The following AOAH variants were observed in gnomAD, a reference collection of about 807,000 sequenced individuals.
The protein encoded by AOAH is acyloxyacyl hydrolase (neutrophil).
AOAH carries 64 observed loss-of-function variants against 92.2 expected under a neutral mutation model. The observed-to-expected ratio is 0.69, with a 90% CI of 0.57 to 0.86. The LOEUF is 0.86. Ranked by LOEUF, AOAH falls within the 40% of genes least tolerant of loss-of-function variation. The probability of loss-of-function intolerance (pLI) is 0.00; values close to 1 mark genes in which losing one functional copy is unlikely to be tolerated. For synonymous variants in AOAH, 263 were observed against 254.5 expected (o/e 1.03, Z -0.32); for missense variants, 656 against 694.6 (o/e 0.94, Z 0.62).
chr7:36,625,807 C>T (rs944491102), intron 6 of AOAH, among the ~76,000 whole-genome samples: 53 of 152,158 alleles, frequency 3.5e-4, no homozygotes, highest in African/African-American at 1.0e-3. Context: ...GAGGCTGTGA[C>T]GCTGCTCTCC....
At chr7:36,569,485 CTA>C (rs1787946890) in intron 13 of AOAH, among the ~76,000 whole-genome samples, 1 of 151,416 alleles carries the variant, frequency 6.6e-6, no homozygotes, top group Non-Finnish European at 1.5e-5. Context: ...ATCTATCTAT[CTA>C]TCTATCTATC....
At chr7:36,659,291 G>T in intron 3 of AOAH, 26 bp from the exon 4 acceptor site, 1 of 1,571,198 alleles carries the variant, frequency 6.4e-7, no homozygotes, top group Non-Finnish European at 8.8e-7. Flanking sequence ...GCAAAACAAA[G>T]GCTATTCAGA....
chr7:36,569,496 T>TCTATCTAC (rs1294357764), intron 13 of AOAH, among the ~76,000 whole-genome samples: 5 of 151,880 alleles, frequency 3.3e-5, no homozygotes, highest in African/African-American at 1.2e-4. Context: ...TATCTATCTA[T>TCTATCTAC]CTATCTATCT....
At chr7:36,705,312 C>T (rs1465293021) in intron 1 of AOAH, among the ~76,000 whole-genome samples, 1 of 152,136 alleles carries the variant, frequency 6.6e-6, no homozygotes, top group Non-Finnish European at 1.5e-5. Flanking sequence ...AATCAATGTG[C>T]AAAAATCACA....
chr7:36,615,173 A>T (rs1269492923), intron 11 of AOAH, among the ~76,000 whole-genome samples: 1 of 152,222 alleles, frequency 6.6e-6, no homozygotes, highest in African/African-American at 2.4e-5. Flanking sequence ...GAATTGTGTA[A>T]TTTCAGTGAT....
At chr7:36,593,343 G>A in intron 12 of AOAH, among the ~76,000 whole-genome samples, 1 of 152,208 alleles carries the variant, frequency 6.6e-6, no homozygotes, top group East Asian at 1.9e-4. Flanking sequence ...AATGTTCTTT[G>A]TTCATCAGAA....
At chr7:36,714,171 A>T (rs189299723) in intron 1 of AOAH, among the ~76,000 whole-genome samples, 501 of 152,346 alleles carry the variant, frequency 3.3e-3, no homozygotes, top group African/African-American at 0.011. Context: ...CAGAAATACA[A>T]ACTACCATCA....
At chr7:36,711,698 T>A (rs1224721386) in intron 1 of AOAH, among the ~76,000 whole-genome samples, 1 of 152,144 alleles carries the variant, frequency 6.6e-6, no homozygotes, top group Non-Finnish European at 1.5e-5. Context: ...AGTAGCTGTG[T>A]CCAGAGAATG....
At chr7:36,713,372 A>G (rs1798903807) in intron 1 of AOAH, among the ~76,000 whole-genome samples, 2 of 152,262 alleles carry the variant, frequency 1.3e-5, no homozygotes, top group South Asian at 4.1e-4. Flanking sequence ...CCCACACAAT[A>G]ATAATGGGAG....
At chr7:36,687,377 CATG>C (rs1362574897) in intron 1 of AOAH, among the ~76,000 whole-genome samples, 22 of 152,120 alleles carry the variant, frequency 1.4e-4, no homozygotes, top group Admixed American at 2.0e-4. Context: ...CATGCAGGAA[CATG>C]ATAAGTGTCT....
Position 36,594,433 on chromosome 7 carries a change from A to G in AOAH, c.847-3T>C, listed in dbSNP as rs775354011. ...GTTGGTAGATTGATGAAAGAGTTCT[A>G]AGGAAAACAATAAAGTAGCAATTAT... is the stretch of plus-strand genomic sequence containing the variant. On this transcript the variant is annotated splice_polypyrimidine_tract_variant and splice_region_variant and intron_variant, in intron 11 of 20. Transcript: ENST00000617537. 5 of 1,610,424 alleles carry G rather than the reference A, an allele frequency of 3.1e-6. No homozygotes were observed. The highest frequency in any genetic ancestry group is 3.3e-5 in the Admixed American group (2 of 60,002).
At chr7:36,697,148 T>C (rs1797772282) in intron 1 of AOAH, among the ~76,000 whole-genome samples, 1 of 152,214 alleles carries the variant, frequency 6.6e-6, no homozygotes, top group South Asian at 2.1e-4. Context: ...CAGTCTGCTA[T>C]CATTAAATAC....
chr7:36,665,443 T>G (rs1795470392), intron 3 of AOAH, among the ~76,000 whole-genome samples: 2 of 148,630 alleles, frequency 1.3e-5, no homozygotes, highest in African/African-American at 2.5e-5. Context: ...TTTTTTTTTT[T>G]GCCGATTCTT....
chr7:36,674,636 T>G (rs79837569), intron 2 of AOAH, among the ~76,000 whole-genome samples: 2,403 of 152,356 alleles, frequency 0.016, 58 homozygotes, highest in African/African-American at 0.054. Flanking sequence ...TGAAACTTGT[T>G]AGCTCTTTGG....
rs140594190 is a variant in AOAH, at chr7:36,641,641, C to T, written c.391-3731G>A. ...TTCTCAGCTTTCCTAGCTTTCGGGC[C>T]GAGCTTTCCTTTTCTGTTTCCTTTG... On this transcript the variant is annotated intron_variant, in intron 4 of 20. Transcript: ENST00000617537. Among the ~76,000 whole-genome samples, 774 of 152,246 alleles carry T rather than the reference C, an allele frequency of 5.1e-3. 1 individual carries two copies. Among genetic ancestry groups the T allele is most frequent in the African/African-American group, 0.018 (745 of 41,544 alleles).
chr7:36,704,725 A>G (rs575822243), intron 1 of AOAH, among the ~76,000 whole-genome samples: 1 of 152,348 alleles, frequency 6.6e-6, no homozygotes, highest in African/African-American at 2.4e-5. Flanking sequence ...CTTGATGAAC[A>G]TCAATGCAAA....
chr7:36,629,464 G>C (rs144122555), intron 6 of AOAH, among the ~76,000 whole-genome samples: 199 of 152,222 alleles, frequency 1.3e-3, no homozygotes, highest in Non-Finnish European at 2.1e-3. Context: ...GACATGATTG[G>C]GGGCCTGGGG....
chr7:36,599,205 C>T (rs1790366843), intron 11 of AOAH, among the ~76,000 whole-genome samples: 3 of 152,064 alleles, frequency 2.0e-5, no homozygotes, highest in Non-Finnish European at 4.4e-5. Flanking sequence ...TCGAGAAAGC[C>T]CACTGGTTCC....
intron 9 of AOAH, 26 bp from the exon 10 acceptor site, chr7:36,618,371 G>A (rs745472759): frequency 6.2e-6 from 10 of 1,612,306 alleles, no homozygotes; most frequent in Non-Finnish European, 8.5e-6. Flanking sequence ...GATGTGATTA[G>A]CAGTTTGGTT....
Sources: allele counts gnomAD v4.1 joint callset (sites outside exome capture counted in the v4.1 genomes callset), GRCh38; gene constraint gnomAD v4.1.1; transcripts MANE v1.5; gene names NCBI Gene and HGNC (gene_info 2026-07-23, HGNC 2026-07-21).